AKT3: variants seen among roughly 807,000 people sequenced by gnomAD.
The protein encoded by AKT3 is RAC-gamma serine/threonine-protein kinase.
In AKT3, 15 loss-of-function variants were observed where a neutral mutation model predicts 65.3. That is an observed-to-expected ratio of 0.23 (90% CI 0.15 to 0.35). The LOEUF is 0.35. AKT3 is among the 10% of genes least tolerant of loss of function. AKT3 has a pLI of 1.00. For synonymous variants in AKT3, 206 were observed against 183.8 expected (o/e 1.12, Z -0.98); for missense variants, 243 against 576.5 (o/e 0.42, Z 5.92).
intron 13 of AKT3, among the ~76,000 whole-genome samples, chr1:243,507,550 G>A (rs1574500907): frequency 6.6e-6 from 1 of 152,214 alleles, no homozygotes; most frequent in East Asian, 1.9e-4. Flanking sequence ...GGGAGCTGGA[G>A]GAAGTGGCAG....
chr1:243,803,940 T>C (rs1264138929), intron 2 of AKT3, among the ~76,000 whole-genome samples: 1 of 152,180 alleles, frequency 6.6e-6, no homozygotes, highest in Non-Finnish European at 1.5e-5. Flanking sequence ...TTTCAGACAG[T>C]GAGCCGTGAT....
At chr1:243,488,921 CTA>C in intron 13 of AKT3, 1 of 1,588,466 alleles carries the variant, frequency 6.3e-7, no homozygotes, top group Non-Finnish European at 8.6e-7. Context: ...TCATGGTTCC[CTA>C]TCAGGGGCTT....
At chr1:243,516,643 T>C (rs535415884) in intron 12 of AKT3, among the ~76,000 whole-genome samples, 5,321 of 152,164 alleles carry the variant, frequency 0.035, 117 homozygotes, top group Middle Eastern at 0.054. Context: ...GCCTCAAAAC[T>C]CCTGGCCTCG....
intron 3 of AKT3, among the ~76,000 whole-genome samples, chr1:243,684,099 AT>A (rs546822330): frequency 1.1e-3 from 167 of 147,778 alleles, no homozygotes; most frequent in East Asian, 3.4e-3. Context: ...GATCTTATTT[AT>A]TTTTTTTTTA....
intron 2 of AKT3, among the ~76,000 whole-genome samples, chr1:243,795,134 TCTA>T (rs1258927373): frequency 6.6e-6 from 1 of 151,798 alleles, no homozygotes; most frequent in Non-Finnish European, 1.5e-5. Context: ...CCTCTCTATG[TCTA>T]CTTTTTTTTT....
chr1:243,849,412 G>A (rs866760227), intron 1 of AKT3, among the ~76,000 whole-genome samples: 1 of 33,194 alleles, frequency 3.0e-5, no homozygotes, highest in Non-Finnish European at 5.1e-5. Context: ...CACCAGTGCC[G>A]TCTTTTCCTG....
intron 1 of AKT3, among the ~76,000 whole-genome samples, chr1:243,848,267 C>T (rs2148487554): frequency 6.6e-6 from 1 of 152,234 alleles, no homozygotes; most frequent in East Asian, 1.9e-4. Context: ...GGTAAACTTT[C>T]CAAGTCAAGA....
In AKT3 at chr1:243,489,157, G is replaced by A. The variant is rs754713552; in HGVS notation, c.*7-707C>T. ...CGGACCCAGGTACTGTGCAGAACGC[G>A]GCGCAGGTGGGAGTCCTTGGGCGGG... On this transcript the variant is annotated intron_variant, in intron 13 of 13. Transcript: ENST00000336199. 548 of 1,610,566 alleles carry A rather than the reference G, an allele frequency of 3.4e-4. No individual in the cohort carries two copies. Among genetic ancestry groups the A allele is most frequent in the Non-Finnish European group, 4.2e-4 (501 of 1,179,244 alleles).
At position 243,800,512 on chromosome 1, in the gene AKT3, G is replaced by T. The variant is rs545938893; in HGVS notation, c.46+42613C>A. Among the ~76,000 whole-genome samples, 3 of 152,292 alleles carry T rather than the reference G, an allele frequency of 2.0e-5. No homozygotes were observed. In the East Asian group the frequency reaches 5.8e-4, roughly 29 times the overall value. On this transcript the variant is annotated intron_variant, in intron 2 of 13. Transcript: ENST00000673466. ...AGGTGGGCGGATCACGAGGTCAAGA[G>T]ATCAAGACCATCCTGGCCAACATGG...
chr1:243,727,790 GA>G (rs1041429451), intron 2 of AKT3, among the ~76,000 whole-genome samples: 2 of 150,974 alleles, frequency 1.3e-5, no homozygotes, highest in African/African-American at 4.9e-5. Flanking sequence ...AGAGAACCAA[GA>G]AAAAAAAGCA....
chr1:243,679,253 G>C (rs1683747571), intron 3 of AKT3, among the ~76,000 whole-genome samples: 1 of 152,132 alleles, frequency 6.6e-6, no homozygotes. Context: ...CTAAGTTTGG[G>C]GGAGTCAAAA....
chr1:243,649,313 ATG>A (rs55765060), intron 4 of AKT3, among the ~76,000 whole-genome samples: 6,156 of 145,808 alleles, frequency 0.042, 248 homozygotes, highest in African/African-American at 0.12. Context: ...TTATGTGTAT[ATG>A]TGTGTGTGTG....
chr1:243,636,280 T>A (rs1390336968), intron 6 of AKT3, among the ~76,000 whole-genome samples: 1 of 152,112 alleles, frequency 6.6e-6, no homozygotes, highest in East Asian at 1.9e-4. Context: ...TTAAGTTTAT[T>A]TAATACTGAT....
intron 11 of AKT3, 60 bp downstream of exon 11, chr1:243,552,669 C>T (rs890681825): frequency 1.8e-5 from 26 of 1,453,288 alleles, no homozygotes; most frequent in Non-Finnish European, 2.0e-5. Context: ...GAATTAATTT[C>T]CATATCTCAA....
At chr1:243,843,018 T>G in intron 2 of AKT3, 107 bp downstream of exon 2, 1 of 1,152,324 alleles carries the variant, frequency 8.7e-7, no homozygotes, top group Non-Finnish European at 1.2e-6. Context: ...TTACTAGACA[T>G]AGCATGACAC....
At position 243,505,158 on chromosome 1, in the gene AKT3, T is replaced by A; in HGVS notation, c.*91A>T. The stretch of plus-strand genomic sequence containing the variant: ...GGTCTGGGATGTCGGAAGGTGCCCC[T>A]GCTATGTGTAAGAGCTAGGACTGGT... On this transcript the variant is annotated 3_prime_UTR_variant, in exon 14 of 14. Coordinates refer to ENST00000673466, the MANE Select transcript of AKT3 (RefSeq NM_005465.7). The A allele has an allele frequency of 8.1e-7, 1 of 1,230,992 alleles. No individual in the cohort carries two copies. The highest frequency in any genetic ancestry group is 1.2e-6 in the Non-Finnish European group (1 of 849,558). The allele number at this position is 1,230,992 out of a possible 1,614,324, so 76.3% of individuals were successfully genotyped here.
intron 2 of AKT3, among the ~76,000 whole-genome samples, chr1:243,834,933 ATATAC>A (rs755782108): frequency 3.6e-4 from 55 of 152,330 alleles, no homozygotes; most frequent in Admixed American, 1.4e-3. Flanking sequence ...TAACATGGTG[ATATAC>A]TATACAGGAG....
chr1:243,694,936 T>C (rs766782655), intron 3 of AKT3, among the ~76,000 whole-genome samples: 3 of 151,940 alleles, frequency 2.0e-5, no homozygotes, highest in African/African-American at 4.8e-5. Context: ...ACACTTTACT[T>C]CTAAATTAAC....
intron 8 of AKT3, 31 bp downstream of exon 8, chr1:243,613,640 A>G: frequency 1.3e-6 from 2 of 1,491,412 alleles, no homozygotes; most frequent in African/African-American, 1.4e-5. Context: ...AAATACTACC[A>G]TGCAAATACT....
Sources: gnomAD v4.1 joint callset for allele counts (sites outside exome capture counted in the v4.1 genomes callset) on GRCh38, gnomAD v4.1.1 for gene constraint, MANE v1.5 for transcripts, NCBI Gene and HGNC (gene_info 2026-07-23, HGNC 2026-07-21) for gene names.